Variants in NEDD4L observed in about 807,000 individuals in gnomAD.
NEDD4L encodes the protein E3 ubiquitin-protein ligase NEDD4-like.
Under a neutral mutation model 148.9 loss-of-function variants are expected in NEDD4L, and 54 were observed. The ratio of observed to expected loss-of-function variants is 0.36; its 90% CI spans 0.29 to 0.45. The LOEUF is 0.45. NEDD4L is among the 20% of genes least tolerant of loss of function. The pLI is 1.00. For synonymous variants in NEDD4L, 433 were observed against 440.7 expected, an observed-to-expected ratio of 0.98 and a Z score of 0.22; for missense variants, 856 against 1,233.8, an observed-to-expected ratio of 0.69 and a Z score of 4.59.
chr18:58,150,339 A>G (rs1686367626), intron 1 of NEDD4L, among the ~76,000 whole-genome samples: 1 of 152,154 alleles, frequency 6.6e-6, no homozygotes, highest in African/African-American at 2.4e-5. Context: ...GGTTCAAGCA[A>G]TTCTCCTGCC....
chr18:58,298,057 C>G (rs1437470207), intron 5 of NEDD4L, among the ~76,000 whole-genome samples: 1 of 152,080 alleles, frequency 6.6e-6, no homozygotes, highest in Admixed American at 6.5e-5. Flanking sequence ...TCTGGGTTAA[C>G]AAGTATGATT....
intron 5 of NEDD4L, among the ~76,000 whole-genome samples, chr18:58,294,834 T>C (rs1166621205): frequency 6.6e-6 from 1 of 152,180 alleles, no homozygotes; most frequent in Non-Finnish European, 1.5e-5. Flanking sequence ...GTTCTTTCTG[T>C]TTTTAACTAA....
At chr18:58,316,635 C>A (rs776965253) in intron 6 of NEDD4L, among the ~76,000 whole-genome samples, 4 of 152,202 alleles carry the variant, frequency 2.6e-5, no homozygotes, top group Non-Finnish European at 4.4e-5. Context: ...CTCAAAGTAG[C>A]GGAGCAGTCG....
At chr18:58,127,235 C>T (rs1261371468) in intron 1 of NEDD4L, among the ~76,000 whole-genome samples, 2 of 152,208 alleles carry the variant, frequency 1.3e-5, no homozygotes, top group Non-Finnish European at 2.9e-5. Context: ...GTGGTATTAG[C>T]CATATTGTAG....
intron 1 of NEDD4L, among the ~76,000 whole-genome samples, chr18:58,118,667 A>C (rs2086019011): frequency 6.6e-6 from 1 of 151,754 alleles, no homozygotes; most frequent in South Asian, 2.1e-4. Context: ...GGTGTTGCCA[A>C]ATCTTTTGCA....
intron 5 of NEDD4L, among the ~76,000 whole-genome samples, chr18:58,284,229 C>T (rs1180560119): frequency 1.3e-5 from 2 of 152,162 alleles, no homozygotes; most frequent in Admixed American, 1.3e-4. Context: ...CTTCTTTGGA[C>T]CTAGCAAGGA....
At chr18:58,251,038 G>A (rs568542945) in intron 4 of NEDD4L, among the ~76,000 whole-genome samples, 1 of 152,268 alleles carries the variant, frequency 6.6e-6, no homozygotes, top group South Asian at 2.1e-4. Flanking sequence ...CTGGAGACAG[G>A]CAGCATAGAC....
chr18:58,195,500 G>C (rs777687760), intron 2 of NEDD4L: 2 of 1,344,866 alleles, frequency 1.5e-6, no homozygotes, highest in South Asian at 2.3e-5. Flanking sequence ...GCCCGGGTGG[G>C]TGGCTGCGCA....
rs1046495020 is a variant in NEDD4L at position 58,246,103 on chromosome 18, TTTTACTTAAA to T, written c.204+597_204+606del. Among the ~76,000 whole-genome samples the T allele has an allele frequency of 5.3e-5, 8 of 152,140 alleles. No homozygotes were observed. In the East Asian group the frequency reaches 1.3e-3, roughly 26 times the overall value. ...ACTAACCCAAGATAGTGATTCAGGT[TTTTACTTAAA>T]TGCCTACAAAAACAGTATCCTGAAA... On this transcript the variant is annotated intron_variant, in intron 3 of 30. Coordinates refer to ENST00000400345, the MANE Select transcript of NEDD4L (RefSeq NM_001144967.3).
intron 2 of NEDD4L, among the ~76,000 whole-genome samples, chr18:58,214,607 T>TG (rs2042944972): frequency 2.1e-5 from 3 of 145,316 alleles, no homozygotes; most frequent in African/African-American, 5.1e-5. Context: ...GCTGCTCGGT[T>TG]TGTGTGTGTG....
chr18:58,340,433 C>T (rs915786094), intron 13 of NEDD4L, among the ~76,000 whole-genome samples: 3 of 152,156 alleles, frequency 2.0e-5, no homozygotes, highest in Admixed American at 2.0e-4. Context: ...TGCTGGGAGA[C>T]TTCCTGAGCT....
chr18:58,126,386 TA>T lies in NEDD4L; in HGVS notation c.49-39401del, dbSNP rs199978369. Among the ~76,000 whole-genome samples the T allele has an allele frequency of 5.0e-3, 758 of 152,372 alleles. 5 individuals are homozygous for T. The highest frequency in any genetic ancestry group is 0.018 in the African/African-American group (729 of 41,594). ...ATATTTTGCATAAACGGAATCATAC[TA>T]GGGGGTCTTTTGCTTGGGACCCCTT... On this transcript the variant is annotated intron_variant, in intron 1 of 30. Transcript: ENST00000400345.
intron 5 of NEDD4L, among the ~76,000 whole-genome samples, chr18:58,283,887 C>T (rs1448347475): frequency 6.6e-6 from 1 of 152,184 alleles, no homozygotes; most frequent in African/African-American, 2.4e-5. Context: ...CCTAATCTGA[C>T]TGGTAGCCTT....
chr18:58,108,078 G>A (rs2085184627), intron 1 of NEDD4L, among the ~76,000 whole-genome samples: 1 of 152,176 alleles, frequency 6.6e-6, no homozygotes, highest in Non-Finnish European at 1.5e-5. Context: ...TCTGGGGTCC[G>A]CAGACCCATT....
intron 1 of NEDD4L, among the ~76,000 whole-genome samples, chr18:58,143,219 G>A (rs575114161): frequency 1.2e-4 from 18 of 152,290 alleles, no homozygotes; most frequent in Admixed American, 9.2e-4. Context: ...GTTCACTGGC[G>A]TTCACTGGTA....
chr18:58,137,740 C>T (rs924931255), intron 1 of NEDD4L, among the ~76,000 whole-genome samples: 4 of 152,198 alleles, frequency 2.6e-5, no homozygotes, highest in South Asian at 2.1e-4. Flanking sequence ...GTCGCTACCA[C>T]ATCAAATACA....
At chr18:58,325,369 T>G (rs910894827) in intron 9 of NEDD4L, among the ~76,000 whole-genome samples, 1 of 152,280 alleles carries the variant, frequency 6.6e-6, no homozygotes, top group African/African-American at 2.4e-5. Flanking sequence ...TTGAGTCACA[T>G]GCTGCTGTTT....
chr18:58,247,089 C>A (rs2047352575), intron 3 of NEDD4L, among the ~76,000 whole-genome samples: 1 of 152,144 alleles, frequency 6.6e-6, no homozygotes, highest in Admixed American at 6.5e-5. Context: ...GCTTTAGTAT[C>A]ATTTATGGGT....
At chr18:58,184,874 G>T (rs572757324) in intron 2 of NEDD4L, among the ~76,000 whole-genome samples, 26 of 151,988 alleles carry the variant, frequency 1.7e-4, no homozygotes, top group Admixed American at 4.6e-4. Flanking sequence ...CTTGCAGGGA[G>T]CCGAGATGGC....
Sources: allele counts gnomAD v4.1 joint callset (sites outside exome capture counted in the v4.1 genomes callset), GRCh38; gene constraint gnomAD v4.1.1; transcripts MANE v1.5; gene names NCBI Gene and HGNC (gene_info 2026-07-23, HGNC 2026-07-21).